The following VPS26C variants were observed in gnomAD, a reference collection of about 807,000 sequenced individuals.
VPS26C encodes VPS26 endosomal protein sorting factor C, also known as vacuolar protein sorting-associated protein 26C.
A neutral mutation model predicts 30.6 loss-of-function variants in VPS26C; 19 were observed. That is an observed-to-expected ratio of 0.62 (90% CI 0.43 to 0.91). The LOEUF (loss-of-function observed/expected upper bound fraction) is 0.91, where lower values mean the gene tolerates loss of function less well. Ranked by LOEUF, VPS26C falls within the 40% of genes least tolerant of loss-of-function variation. The pLI is 0.00. For missense variants in VPS26C, 318 were observed against 385.1 expected (o/e 0.83, Z 1.46); for synonymous variants, 132 against 151.5 (o/e 0.87, Z 0.95).
intron 1 of VPS26C, chr21:37,266,998 C>G (rs2086370732): frequency 1.8e-6 from 1 of 568,560 alleles, no homozygotes; most frequent in Admixed American, 3.5e-5. Context: ...CTGCCCTGCA[C>G]GTCCCGCAGA....
chr21:37,229,723 T>C (rs1569231320), intron 5 of VPS26C, among the ~76,000 whole-genome samples: 1 of 152,220 alleles, frequency 6.6e-6, no homozygotes, highest in Non-Finnish European at 1.5e-5. Context: ...GGTCCAGCCA[T>C]GTGTCCAGGG....
At chr21:37,264,337 G>A (rs1489841276) in intron 1 of VPS26C, among the ~76,000 whole-genome samples, 4 of 152,190 alleles carry the variant, frequency 2.6e-5, no homozygotes, top group Non-Finnish European at 5.9e-5. Context: ...CTAGCACCAG[G>A]AGATGTAGTC....
At chr21:37,267,151 C>T (rs2086373989) in intron 1 of VPS26C, 87 bp downstream of exon 1, 2 of 1,215,106 alleles carry the variant, frequency 1.6e-6, no homozygotes, top group South Asian at 1.3e-5. Context: ...CGCCTAGGGA[C>T]GCGGGACGTG....
intron 1 of VPS26C, among the ~76,000 whole-genome samples, chr21:37,250,156 T>A (rs752673269): frequency 1.3e-5 from 2 of 152,160 alleles, no homozygotes; most frequent in East Asian, 1.9e-4. Flanking sequence ...ATACAAAAAA[T>A]TAGCCAGGCA....
intron 4 of VPS26C, chr21:37,232,722 A>C (rs2085978841): frequency 3.6e-6 from 2 of 552,026 alleles, no homozygotes; most frequent in African/African-American, 1.9e-5. Context: ...GATCTAAGAA[A>C]CAGAACAGTG....
rs764283577 is a variant in VPS26C, at chr21:37,240,631, G to A, written c.66C>T (p.Leu22=). 1.2e-6 allele frequency: 2 copies of A among 1,613,538 alleles called. No homozygotes were observed. Among genetic ancestry groups the A allele is most frequent in the Non-Finnish European group, 1.7e-6 (2 of 1,179,804 alleles). ...ANKVYHAGEV[L]SGVVVISSKD... ...TACTCGATATGACCACCACGCCAGA[G>A]AGCACTTCCTGGGAGAGAAAAGACA... Residue 22 remains leucine, a synonymous_variant, in exon 2 of 8, where the codon CTC becomes CTT. Transcript: ENST00000309117.
chr21:37,249,710 G>A (rs1183694300), intron 1 of VPS26C, among the ~76,000 whole-genome samples: 1 of 152,166 alleles, frequency 6.6e-6, no homozygotes. Flanking sequence ...AGGGGGAGAT[G>A]GCGGGAGTGG....
At chr21:37,256,649 C>T (rs931914945) in intron 1 of VPS26C, among the ~76,000 whole-genome samples, 8 of 152,248 alleles carry the variant, frequency 5.3e-5, no homozygotes, top group African/African-American at 1.9e-4. Flanking sequence ...CAACAAGTGA[C>T]GGCACAAGCT....
At chr21:37,231,994 A>T (rs1050352141) in intron 5 of VPS26C, 1 of 199,934 alleles carries the variant, frequency 5.0e-6, no homozygotes, top group Non-Finnish European at 1.0e-5. Flanking sequence ...GAAACTGCAA[A>T]CTAAACATCC....
chr21:37,248,679 A>T (rs1288084489), intron 1 of VPS26C, among the ~76,000 whole-genome samples: 2 of 151,720 alleles, frequency 1.3e-5, no homozygotes, highest in Non-Finnish European at 2.9e-5. Flanking sequence ...AGAACAGAAA[A>T]TTCCACTATA....
At chr21:37,238,701 C>G in intron 2 of VPS26C, 92 bp from the exon 3 acceptor site, 1 of 1,478,714 alleles carries the variant, frequency 6.8e-7, no homozygotes, top group Non-Finnish European at 9.2e-7. Flanking sequence ...AGCACCCCGA[C>G]CCCCTGGAGG....
At chr21:37,250,287 A>G (rs2086178737) in intron 1 of VPS26C, among the ~76,000 whole-genome samples, 1 of 152,054 alleles carries the variant, frequency 6.6e-6, no homozygotes, top group South Asian at 2.1e-4. Flanking sequence ...CCTGGGTGAT[A>G]GAGTAAGACT....
intron 1 of VPS26C, among the ~76,000 whole-genome samples, chr21:37,247,951 G>C (rs557472101): frequency 4.4e-4 from 67 of 152,234 alleles, no homozygotes; most frequent in African/African-American, 1.5e-3. Flanking sequence ...CAGGAGGATT[G>C]TTTGAGCCCA....
At chr21:37,234,233 T>G (rs1412712879) in intron 3 of VPS26C, among the ~76,000 whole-genome samples, 1 of 152,228 alleles carries the variant, frequency 6.6e-6, no homozygotes, top group Non-Finnish European at 1.5e-5. Context: ...CTGAGGTCTC[T>G]CTCCATCTGC....
Position 37,264,678 on chromosome 21 carries a change from T to C in VPS26C, c.57+2560A>G, listed in dbSNP as rs190969310. On this transcript the variant is annotated intron_variant, in intron 1 of 7. Coordinates refer to ENST00000309117, the MANE Select transcript of VPS26C (RefSeq NM_006052.2). ...ACGAGAATACAAAGTAGTGGAAAAATTGGAACCGTCATACAGTGCTGGTAG... is the reference window on the plus strand; with the variant it reads ...ACGAGAATACAAAGTAGTGGAAAAACTGGAACCGTCATACAGTGCTGGTAG... Among the ~76,000 whole-genome samples the C allele has an allele frequency of 3.1e-3, 478 of 152,226 alleles. 1 individual carries two copies. The highest frequency in any genetic ancestry group is 5.2e-3 in the Non-Finnish European group (353 of 68,020).
intron 1 of VPS26C, among the ~76,000 whole-genome samples, chr21:37,263,729 TG>T (rs1205080971): frequency 3.3e-5 from 5 of 152,200 alleles, no homozygotes; most frequent in African/African-American, 4.8e-5. Flanking sequence ...CTAAAGTAGG[TG>T]GCAGTCACCT....
chr21:37,227,326 G>A, intron 7 of VPS26C: 1 of 267,918 alleles, frequency 3.7e-6, no homozygotes, highest in Non-Finnish European at 7.2e-6. Context: ...GGAGCTCAGC[G>A]TCACCTGCCC....
chr21:37,237,466 C>T (rs1240452766), intron 3 of VPS26C: 1 of 152,218 alleles, frequency 6.6e-6, no homozygotes, highest in Non-Finnish European at 1.5e-5. Flanking sequence ...CACCCACATA[C>T]CAGCAATTGG....
At chr21:37,236,456 C>G (rs1237682110) in intron 3 of VPS26C, among the ~76,000 whole-genome samples, 2 of 152,154 alleles carry the variant, frequency 1.3e-5, no homozygotes, top group Non-Finnish European at 2.9e-5. Context: ...TGATATGAAT[C>G]AAGAATTAAT....
Sources: allele counts gnomAD v4.1 joint callset (sites outside exome capture counted in the v4.1 genomes callset), GRCh38; gene constraint gnomAD v4.1.1; transcripts MANE v1.5; gene names NCBI Gene and HGNC (gene_info 2026-07-23, HGNC 2026-07-21).